The following EDA variants were observed in gnomAD, a reference collection of about 807,000 sequenced individuals.
EDA encodes ectodysplasin A.
Under a neutral mutation model 23.6 loss-of-function variants are expected in EDA, and 2 were observed. The observed-to-expected ratio is 0.08, with a 90% confidence interval of 0.03 to 0.27. The LOEUF (loss-of-function observed/expected upper bound fraction) is 0.27, where lower values mean the gene tolerates loss of function less well. EDA is among the 10% of genes least tolerant of loss of function. The pLI is 1.00. For missense variants in EDA, 229 were observed against 324.2 expected (o/e 0.71, Z 2.26); for synonymous variants, 131 against 132.0 (o/e 0.99, Z 0.05).
intron 1 of EDA, among the ~76,000 whole-genome samples, chrX:69,726,352 C>A (rs1306617436): frequency 3.6e-5 from 4 of 111,551 alleles, no homozygotes; most frequent in Non-Finnish European, 7.5e-5. Flanking sequence ...CAGTTTGGAT[C>A]CCCAAAGGGC....
intron 1 of EDA, among the ~76,000 whole-genome samples, chrX:69,693,425 C>CTA (rs1328576170): frequency 1.4e-4 from 16 of 111,522 alleles, no homozygotes; most frequent in African/African-American, 3.6e-4. Flanking sequence ...AAATTAAGTG[C>CTA]TATATATATA....
intron 1 of EDA, among the ~76,000 whole-genome samples, chrX:69,845,627 A>AT (rs2016991503): frequency 2.7e-5 from 3 of 112,026 alleles, no homozygotes; most frequent in Non-Finnish European, 3.8e-5. Flanking sequence ...AGAATCTCTG[A>AT]TTTTTGATAT....
chrX:69,828,272 G>A (rs1423378826), intron 1 of EDA, among the ~76,000 whole-genome samples: 1 of 112,332 alleles, frequency 8.9e-6, no homozygotes, highest in Non-Finnish European at 1.9e-5. Flanking sequence ...AGCAAGCCTG[G>A]GCAATGGTGG....
intron 1 of EDA, among the ~76,000 whole-genome samples, chrX:69,721,035 C>T (rs1201629148): frequency 2.7e-5 from 3 of 111,966 alleles, no homozygotes; most frequent in Non-Finnish European, 5.6e-5. Context: ...GAGTTGTGGG[C>T]CTACTTTTGT....
intron 4 of EDA, among the ~76,000 whole-genome samples, chrX:70,029,147 A>C (rs746438266): frequency 7.1e-5 from 8 of 113,082 alleles, no homozygotes; most frequent in Non-Finnish European, 9.4e-5. Flanking sequence ...GAAGAAAATT[A>C]ATAGAAAGGG....
At chrX:69,935,706 A>T (rs2018662721) in intron 1 of EDA, among the ~76,000 whole-genome samples, 1 of 110,620 alleles carries the variant, frequency 9.0e-6, no homozygotes, top group South Asian at 3.8e-4. Flanking sequence ...CAATCATTTC[A>T]GGGTAGGGTT....
chrX:69,718,811 T>C (rs2012452878), intron 1 of EDA, among the ~76,000 whole-genome samples: 1 of 111,782 alleles, frequency 8.9e-6, no homozygotes, highest in African/African-American at 3.2e-5. Context: ...ACACTACCCT[T>C]ATAAAATGAG....
At chrX:69,851,306 A>G (rs1482300555) in intron 1 of EDA, among the ~76,000 whole-genome samples, 5 of 111,430 alleles carry the variant, frequency 4.5e-5, no homozygotes, top group African/African-American at 1.3e-4. Context: ...TTCTTCCTTC[A>G]TGGCTTCTCA....
At chrX:69,886,406 C>T (rs770997447) in intron 1 of EDA, among the ~76,000 whole-genome samples, 27 of 111,223 alleles carry the variant, frequency 2.4e-4, no homozygotes, top group Non-Finnish European at 4.5e-4. Context: ...CACCCAGGGA[C>T]CCACCAGGAG....
At chrX:69,730,572 C>T (rs766301985) in intron 1 of EDA, among the ~76,000 whole-genome samples, 1 of 111,869 alleles carries the variant, frequency 8.9e-6, no homozygotes, top group African/African-American at 3.2e-5. Flanking sequence ...GACCTTCAAA[C>T]CCTACCTCTC....
intron 1 of EDA, among the ~76,000 whole-genome samples, chrX:69,763,751 C>T (rs1434283883): frequency 8.9e-6 from 1 of 111,744 alleles, no homozygotes; most frequent in Non-Finnish European, 1.9e-5. Context: ...TTCCCCAGAG[C>T]AGCATGGTTT....
chrX:69,788,615 G>A (rs995774523), intron 1 of EDA, among the ~76,000 whole-genome samples: 7 of 112,317 alleles, frequency 6.2e-5, no homozygotes, highest in Non-Finnish European at 9.4e-5. Context: ...GGGGTCAGGG[G>A]TCAGGGAGCC....
At chrX:69,689,192 T>C (rs932909220) in intron 1 of EDA, among the ~76,000 whole-genome samples, 2 of 111,129 alleles carry the variant, frequency 1.8e-5, no homozygotes, top group African/African-American at 6.5e-5. Flanking sequence ...GACGTATGAG[T>C]CGTATAACTG....
intron 1 of EDA, among the ~76,000 whole-genome samples, chrX:69,899,383 C>T (rs2018065550): frequency 9.0e-6 from 1 of 111,439 alleles, no homozygotes; most frequent in African/African-American, 3.3e-5. Flanking sequence ...ACCTGCCAAC[C>T]TCAGGTCTGT....
At chrX:69,669,304 A>G (rs977553655) in intron 1 of EDA, among the ~76,000 whole-genome samples, 4 of 110,564 alleles carry the variant, frequency 3.6e-5, no homozygotes, top group Non-Finnish European at 5.7e-5. Context: ...AAGACTTACT[A>G]CTGCCATTTT....
chrX:69,828,031 G>A (rs1321938988), intron 1 of EDA, among the ~76,000 whole-genome samples: 4 of 110,909 alleles, frequency 3.6e-5, no homozygotes, highest in East Asian at 2.9e-4. Flanking sequence ...GGGTCAGGGA[G>A]CCACTTGAGG....
At chrX:69,865,593 T>G (rs5936517) in intron 1 of EDA, among the ~76,000 whole-genome samples, 1 of 110,507 alleles carries the variant, frequency 9.0e-6, no homozygotes, top group Non-Finnish European at 1.9e-5. Context: ...ACTGACTCAA[T>G]TGTTAATCTC....
intron 1 of EDA, among the ~76,000 whole-genome samples, chrX:69,824,261 T>G (rs1483670135): frequency 3.2e-4 from 35 of 108,962 alleles, no homozygotes; most frequent in African/African-American, 8.7e-4. Flanking sequence ...TGATGGGGAT[T>G]GCATTGAATC....
intron 2 of EDA, among the ~76,000 whole-genome samples, chrX:70,002,744 G>A (rs1319439367): frequency 8.9e-6 from 1 of 111,876 alleles, no homozygotes; most frequent in Non-Finnish European, 1.9e-5. Flanking sequence ...TAATGGAATT[G>A]GACATGAACA....
Sources: allele counts gnomAD v4.1 joint callset (sites outside exome capture counted in the v4.1 genomes callset), GRCh38; gene constraint gnomAD v4.1.1; transcripts MANE v1.5; gene names NCBI Gene and HGNC (gene_info 2026-07-23, HGNC 2026-07-21).